The following KLHL26 variants were observed in gnomAD, a reference collection of about 807,000 sequenced individuals.
The protein encoded by KLHL26 is kelch-like protein 26.
Under a neutral mutation model 7.1 loss-of-function variants are expected in KLHL26, and 4 were observed. The observed-to-expected ratio is 0.56, with a 90% confidence interval of 0.28 to 1.28. The LOEUF (loss-of-function observed/expected upper bound fraction) is 1.28, where lower values mean the gene tolerates loss of function less well. Ranked by LOEUF, KLHL26 falls within the 50% of genes most tolerant of loss-of-function variation. KLHL26 has a pLI of 0.11. For synonymous variants in KLHL26, 465 were observed against 414.1 expected (o/e 1.12, Z -1.49); for missense variants, 896 against 924.6 (o/e 0.97, Z 0.40).
intron 1 of KLHL26, among the ~76,000 whole-genome samples, chr19:18,645,445 T>A (rs754114523): frequency 6.6e-6 from 1 of 152,090 alleles, no homozygotes; most frequent in Non-Finnish European, 1.5e-5. Context: ...CCAGGCTCAC[T>A]GAGTCATGCT....
rs1208385433 is a variant in KLHL26 at position 18,668,334 on chromosome 19, A to C, written c.937A>C (p.Thr313Pro). Reference protein sequence around the residue: ...AVRSDVPSLVTFGGTPYTDSD... With the variant: ...AVRSDVPSLVPFGGTPYTDSD... The stretch of plus-strand genomic sequence containing the variant: ...GCGCTCGGATGTGCCCTCGCTCGTC[A>C]CCTTCGGCGGCACGCCCTACACCGA... The change falls in exon 3 of 3, where the codon ACC (threonine) becomes CCC (proline). Residue 313 changes from threonine to proline, a missense_variant. Physicochemically the swap from Thr to Pro is conservative, Grantham distance 38 (BLOSUM62 -1). Transcript: ENST00000300976. The C allele has an allele frequency of 1.2e-6, 2 of 1,608,870 alleles. No individual in the cohort carries two copies. Among genetic ancestry groups the C allele is most frequent in the Non-Finnish European group, 1.7e-6 (2 of 1,179,108 alleles).
At chr19:18,640,059 G>A (rs976280173) in intron 1 of KLHL26, among the ~76,000 whole-genome samples, 4 of 150,268 alleles carry the variant, frequency 2.7e-5, no homozygotes, top group African/African-American at 7.3e-5. Context: ...TCGTATGGAC[G>A]GACACAGTTT....
In KLHL26 at chr19:18,656,810, C is replaced by T. The variant is rs917551742; in HGVS notation, c.84-7451C>T. The stretch of plus-strand genomic sequence containing the variant: ...GCACGCCTGCCCTCCCAGCACAGGG[C>T]GGGAGTGGCGGGTTCCTGTTTGAAA... On this transcript the variant is annotated intron_variant, in intron 1 of 2. Coordinates refer to ENST00000300976, the MANE Select transcript of KLHL26 (RefSeq NM_018316.3). This position sits in a 1 kb window ranked among gnomAD's most constrained non-coding sequence, Gnocchi z 4.4. Among the ~76,000 whole-genome samples, 6 of 152,030 alleles carry T rather than the reference C, an allele frequency of 3.9e-5. No individual in the cohort carries two copies. The highest frequency in any genetic ancestry group is 1.9e-4 in the East Asian group (1 of 5,186).
chr19:18,667,839 G>C lies in KLHL26; in HGVS notation c.442G>C (p.Val148Leu). The part of the protein sequence containing the change: ...GAAVFLQMLP[V>L]VELCEEFLKA... ...GGCCGTGTTCTTGCAGATGCTGCCC[G>C]TGGTGGAGCTGTGCGAGGAGTTCCT... The change falls in exon 3 of 3, where the codon GTG becomes CTG. Residue 148 changes from valine to leucine, a missense_variant. Physicochemically the swap from Val to Leu is conservative, Grantham distance 32 (BLOSUM62 1). Transcript: ENST00000300976. 1 of 1,613,136 alleles carries C rather than the reference G, an allele frequency of 6.2e-7. No individual in the cohort carries two copies. Among genetic ancestry groups the C allele is most frequent in the Middle Eastern group, 1.6e-4 (1 of 6,062 alleles).
intron 1 of KLHL26, among the ~76,000 whole-genome samples, chr19:18,643,626 G>GCC: frequency 6.6e-6 from 1 of 151,716 alleles, no homozygotes; most frequent in Non-Finnish European, 1.5e-5. Context: ...TTACAGACAT[G>GCC]TGCCACCATG....
rs1401835350 is a variant in KLHL26 at position 18,649,955 on chromosome 19, A to G, written c.83+12818A>G. ...CGCTCTGTGTGCACCACCACGGTGC[A>G]CACTGAAAATATTGTGATCTGGGAG... On this transcript the variant is annotated intron_variant, in intron 1 of 2. Coordinates refer to ENST00000300976, the MANE Select transcript of KLHL26 (RefSeq NM_018316.3). This position sits in a 1 kb window ranked among gnomAD's most constrained non-coding sequence, Gnocchi z 4.0. Among the ~76,000 whole-genome samples the G allele has an allele frequency of 2.0e-5, 3 of 152,244 alleles. No homozygotes were observed. Among genetic ancestry groups the G allele is most frequent in the Non-Finnish European group, 2.9e-5 (2 of 68,044 alleles).
At chr19:18,658,059 C>T (rs868299137) in intron 1 of KLHL26, among the ~76,000 whole-genome samples, 1 of 133,210 alleles carries the variant, frequency 7.5e-6, no homozygotes, top group Non-Finnish European at 1.5e-5. Flanking sequence ...CTTTTACCCT[C>T]GAGGCACGTG....
rs1245481095 is a variant in KLHL26, at chr19:18,665,331, C to T, written c.266+888C>T. Among the ~76,000 whole-genome samples the T allele has an allele frequency of 3.3e-5, 5 of 152,164 alleles. No homozygotes were observed. The East Asian group carries it at 9.7e-4, about 29-fold the overall frequency. Reference sequence around the variant, plus strand: ...TCAGCCTCCCAAAGTGCTGGGATTACAGGCGTGAGCCACTGCGCCCAGCCC... The same window carrying T: ...TCAGCCTCCCAAAGTGCTGGGATTATAGGCGTGAGCCACTGCGCCCAGCCC... On this transcript the variant is annotated intron_variant, in intron 2 of 2. Transcript: ENST00000300976.
Position 18,668,886 on chromosome 19 carries a change from C to T in KLHL26, c.1489C>T (p.Pro497Ser), listed in dbSNP as rs757942289. ...QWEFKAPMSE[P>S]RVLHAMVGAG... Reference sequence around the variant, plus strand: ...GGAGTTCAAGGCGCCCATGAGCGAACCCCGCGTGCTACACGCCATGGTGGG... The same window carrying T: ...GGAGTTCAAGGCGCCCATGAGCGAATCCCGCGTGCTACACGCCATGGTGGG... Residue 497 changes from proline (P) to serine (S), a missense_variant, in exon 3 of 3, where the codon CCC becomes TCC. Transcript: ENST00000300976. The T allele has an allele frequency of 6.3e-7, 1 of 1,598,466 alleles. No individual in the cohort carries two copies. The highest frequency in any genetic ancestry group is 1.7e-5 in the Admixed American group (1 of 59,798).
rs1476643719 is a variant in KLHL26 at position 18,668,785 on chromosome 19, A to G, written c.1388A>G (p.Tyr463Cys). The G allele has an allele frequency of 9.4e-6, 15 of 1,595,784 alleles. No individual in the cohort carries two copies. Among genetic ancestry groups the G allele is most frequent in the Non-Finnish European group, 1.3e-5 (15 of 1,177,896 alleles). Residue 463 changes from tyrosine to cysteine, a missense_variant, in exon 3 of 3, where the codon TAC becomes TGC. Transcript: ENST00000300976. ...GGGGCCGCCTCAGGGGGCCGCCTCT[A>G]CATCTCGGGTGGCTACGGGATCTCA... ...HAGAASGGRL[Y>C]ISGGYGISVE...
At chr19:18,659,500 G>T (rs1327876861) in intron 1 of KLHL26, among the ~76,000 whole-genome samples, 1 of 152,272 alleles carries the variant, frequency 6.6e-6, no homozygotes, top group African/African-American at 2.4e-5. Flanking sequence ...TCTTTGAGGG[G>T]AAGTGAGGGA....
At position 18,648,125 on chromosome 19, in the gene KLHL26, T is replaced by C. The variant is rs1399181377; in HGVS notation, c.83+10988T>C. On this transcript the variant is annotated intron_variant, in intron 1 of 2. Coordinates refer to ENST00000300976, the MANE Select transcript of KLHL26 (RefSeq NM_018316.3). The surrounding 1 kb of genome is among the most constrained non-coding windows in gnomAD (Gnocchi z 4.9). ...GGCTCACACCTGTATTCCCAGCACA[T>C]TGGGAGGCCAAGGCGGGTAGATCAC... Among the ~76,000 whole-genome samples, 1 of 152,130 alleles carries C rather than the reference T, an allele frequency of 6.6e-6. No individual in the cohort carries two copies. Among genetic ancestry groups the C allele is most frequent in the Admixed American group, 6.5e-5 (1 of 15,274 alleles).
intron 2 of KLHL26, among the ~76,000 whole-genome samples, chr19:18,666,163 T>G (rs2052446295): frequency 6.6e-6 from 1 of 152,152 alleles, no homozygotes. Flanking sequence ...GGGCAGGGTC[T>G]GGGGAGCTGG....
In KLHL26 at chr19:18,647,918, A is replaced by T. The variant is rs554948695; in HGVS notation, c.83+10781A>T. Among the ~76,000 whole-genome samples, 8 of 152,300 alleles carry T rather than the reference A, an allele frequency of 5.3e-5. No individual in the cohort carries two copies. The South Asian group carries it at 1.4e-3, about 28-fold the overall frequency. Reference sequence around the variant, plus strand: ...GTCCACCCCATGCCTGGTGCTGGACATGAAGGGTCCATGGGACAGATGGAC... The same window carrying T: ...GTCCACCCCATGCCTGGTGCTGGACTTGAAGGGTCCATGGGACAGATGGAC... On this transcript the variant is annotated intron_variant, in intron 1 of 2. Coordinates refer to ENST00000300976, the MANE Select transcript of KLHL26 (RefSeq NM_018316.3).
At chr19:18,661,688 T>C (rs2052393176) in intron 1 of KLHL26, among the ~76,000 whole-genome samples, 1 of 152,070 alleles carries the variant, frequency 6.6e-6, no homozygotes. Flanking sequence ...AGAGATTGTA[T>C]TTGGGTAAGT....
intron 1 of KLHL26, among the ~76,000 whole-genome samples, chr19:18,641,613 C>T (rs1600681439): frequency 6.8e-6 from 1 of 146,926 alleles, no homozygotes; most frequent in African/African-American, 2.6e-5. Context: ...GCCACCACAC[C>T]CGGCTCTTTT....
rs1295191965 is a variant in KLHL26, at chr19:18,656,346, AC to A, written c.84-7913del. 6.6e-6 allele frequency among the ~76,000 whole-genome samples: 1 copy of A among 151,790 alleles called. No homozygotes were observed. Among genetic ancestry groups the A allele is most frequent in the African/African-American group, 2.4e-5 (1 of 41,266 alleles). ...TTTCCAATTGATCCTCGATTCCGAA[AC>A]CTGCCTGCCTGCCCTCCCTGAACTC... On this transcript the variant is annotated intron_variant, in intron 1 of 2. Coordinates refer to ENST00000300976, the MANE Select transcript of KLHL26 (RefSeq NM_018316.3). The surrounding 1 kb of genome is among the most constrained non-coding windows in gnomAD (Gnocchi z 4.4).
chr19:18,663,277 C>T (rs2052410133), intron 1 of KLHL26, among the ~76,000 whole-genome samples: 1 of 152,196 alleles, frequency 6.6e-6, no homozygotes, highest in Non-Finnish European at 1.5e-5. Flanking sequence ...AAGCCCCTCT[C>T]CCCGGCAGTT....
At position 18,669,336 on chromosome 19, in the gene KLHL26, C is replaced by G. The variant is rs915012429; in HGVS notation, c.*91C>G. On this transcript the variant is annotated 3_prime_UTR_variant, in exon 3 of 3. Coordinates refer to ENST00000300976, the MANE Select transcript of KLHL26 (RefSeq NM_018316.3). ...CGTCTGCCTGAGAACCCCAGTGCCC[C>G]CCTTCGCCCGGGCTGCCCTTGAGGG... 9 of 1,048,202 alleles carry G rather than the reference C, an allele frequency of 8.6e-6. No homozygotes were observed. The highest frequency in any genetic ancestry group is 6.2e-5 in the Admixed American group (3 of 48,524). 64.9% of individuals were successfully genotyped at this position (1,048,202 alleles called of 1,614,324 possible).
Sources: allele counts gnomAD v4.1 joint callset (sites outside exome capture counted in the v4.1 genomes callset), GRCh38; gene constraint gnomAD v4.1.1; non-coding constraint Gnocchi (gnomAD v3.1); transcripts MANE v1.5; gene names NCBI Gene and HGNC (gene_info 2026-07-23, HGNC 2026-07-21).